Variants in MYCT1 observed in about 807,000 individuals in gnomAD.
MYCT1 encodes MYC target 1.
In MYCT1, 12 loss-of-function variants were observed where a neutral mutation model predicts 15.0. The ratio of observed to expected loss-of-function variants is 0.80; its 90% CI spans 0.51 to 1.29. MYCT1 has a LOEUF of 1.29. MYCT1 is among the 50% of genes most tolerant of loss of function. MYCT1 has a pLI of 0.00. For synonymous variants in MYCT1, 104 were observed against 102.7 expected, an observed-to-expected ratio of 1.01 and a Z score of -0.07; for missense variants, 287 against 279.1, an observed-to-expected ratio of 1.03 and a Z score of -0.20.
In MYCT1 at chr6:152,723,302, GAAA is replaced by G. The variant is rs1354353395; in HGVS notation, c.*1051_*1053del. ...CTTCACCGTTGTCGTTACATTGTTA[GAAA>G]AGCAACAGGAAAAAATCCAATTCAT... On this transcript the variant is annotated 3_prime_UTR_variant, in exon 2 of 2. Transcript: ENST00000367245. The G allele has an allele frequency of 6.6e-6, 1 of 152,100 alleles. No individual in the cohort carries two copies. 9.4% of individuals were successfully genotyped at this position (152,100 alleles called of 1,614,324 possible). A position where few individuals can be genotyped will look rare whatever the true frequency, so the allele number is the denominator to read the frequency against.
At position 152,721,948 on chromosome 6, in the gene MYCT1, A is replaced by G. The variant is rs1471558003; in HGVS notation, c.403A>G (p.Ser135Gly). Residue 135 changes from serine to glycine, a missense_variant, in exon 2 of 2, where the codon AGC (serine) becomes GGC (glycine). Ser to Gly is a moderately conservative substitution (Grantham distance 56). Coordinates refer to ENST00000367245, the MANE Select transcript of MYCT1 (RefSeq NM_025107.3). ...FYRHSGCERR[S>G]NLSLASLTFQ... is the part of the protein sequence containing the mutation. ...CCGCCACAGTGGCTGTGAACGTCGAAGCAACCTCAGCCTGGCCAGTCTCAC... is the reference window on the plus strand; with the variant it reads ...CCGCCACAGTGGCTGTGAACGTCGAGGCAACCTCAGCCTGGCCAGTCTCAC... 1 of 1,614,072 alleles carries G rather than the reference A, an allele frequency of 6.2e-7. No homozygotes were observed. The highest frequency in any genetic ancestry group is 8.5e-7 in the Non-Finnish European group (1 of 1,180,036).
chr6:152,722,165 A>G lies in MYCT1; in HGVS notation c.620A>G (p.Tyr207Cys). The change falls in exon 2 of 2, where the codon TAC (tyrosine) becomes TGC (cysteine). Residue 207 changes from tyrosine (Y) to cysteine (C), a missense_variant. Tyr to Cys is a radical substitution (Grantham distance 194). Coordinates refer to ENST00000367245, the MANE Select transcript of MYCT1 (RefSeq NM_025107.3). ...TCCCACAGTCTGAGCCGTCCTGACT[A>G]CTGGTCCAGTAACAGTCTTCGAGTG... Reference protein sequence around the residue: ...STSHSLSRPDYWSSNSLRVGL... With the variant: ...STSHSLSRPDCWSSNSLRVGL... The G allele has an allele frequency of 6.2e-7, 1 of 1,614,056 alleles. No individual in the cohort carries two copies.
At chr6:152,704,204 G>A (rs1378117960) in intron 1 of MYCT1, among the ~76,000 whole-genome samples, 1 of 151,822 alleles carries the variant, frequency 6.6e-6, no homozygotes, top group Non-Finnish European at 1.5e-5. Flanking sequence ...GCTTTGCCAT[G>A]TTGCCCAGAC....
In MYCT1 at chr6:152,712,608, G is replaced by A. The variant is rs1342524928; in HGVS notation, c.197-9134G>A. Reference sequence around the variant, plus strand: ...CCGTCTTCTGCGTCGCTCACCCTGGGAGCTGTAGACCGGAGCTGTTCCTAT... The same window carrying A: ...CCGTCTTCTGCGTCGCTCACCCTGGAAGCTGTAGACCGGAGCTGTTCCTAT... On this transcript the variant is annotated intron_variant, in intron 1 of 1. Transcript: ENST00000367245. 2.4e-4 allele frequency among the ~76,000 whole-genome samples: 4 copies of A among 16,706 alleles called. 2 individuals carry two copies. Among genetic ancestry groups the A allele is most frequent in the African/African-American group, 4.4e-4 (4 of 9,074 alleles). The allele number at this position is 16,706 out of a possible 152,430, so 11.0% of individuals were successfully genotyped here. A position where few individuals can be genotyped will look rare whatever the true frequency, so the allele number is the denominator to read the frequency against.
the MYCT1 span, among the ~76,000 whole-genome samples, chr6:152,745,647 A>C: frequency 2.0e-5 from 3 of 152,192 alleles, no homozygotes; most frequent in Admixed American, 1.3e-4. Flanking sequence ...GAAATCTGGG[A>C]GGCTTCCTCT....
the MYCT1 span, among the ~76,000 whole-genome samples, chr6:152,740,278 A>C: frequency 6.6e-6 from 1 of 151,972 alleles, no homozygotes; most frequent in South Asian, 2.1e-4. Context: ...TTGAACTCCC[A>C]ACCTCAGGGC....
the MYCT1 span, among the ~76,000 whole-genome samples, chr6:152,742,051 C>A: frequency 6.6e-6 from 1 of 152,170 alleles, no homozygotes; most frequent in African/African-American, 2.4e-5. Flanking sequence ...CTCATTCACT[C>A]GCTCATCTGA....
At chr6:152,702,730 A>G (rs1296421999) in intron 1 of MYCT1, among the ~76,000 whole-genome samples, 1 of 152,202 alleles carries the variant, frequency 6.6e-6, no homozygotes, top group Non-Finnish European at 1.5e-5. Flanking sequence ...AACAAATACT[A>G]TGTCTCAAAT....
chr6:152,720,131 T>C lies in MYCT1; in HGVS notation c.197-1611T>C, dbSNP rs372528934. On this transcript the variant is annotated intron_variant, in intron 1 of 1. Transcript: ENST00000367245. ...ATCTGAATTATCTAGGATGACACCA[T>C]TCATATGTCCAGGTTAGCAGGCTCT... 3.3e-5 allele frequency among the ~76,000 whole-genome samples: 5 copies of C among 151,976 alleles called. No individual in the cohort carries two copies. In the South Asian group the frequency reaches 8.3e-4, roughly 25 times the overall value.
At chr6:152,746,153 A>G in the MYCT1 span, among the ~76,000 whole-genome samples, 1 of 152,214 alleles carries the variant, frequency 6.6e-6, no homozygotes, top group Non-Finnish European at 1.5e-5. Flanking sequence ...TTAAGGTTAA[A>G]AGCCAGAAAT....
rs201435383 is a variant in MYCT1 at position 152,714,308 on chromosome 6, T to TC, written c.197-7434_197-7433insC. ...ATTTCCTCTATTTTTTCTTTTTCTTTTTTTTTTTTTTTTGCCCCTGTTTCA... is the reference window on the plus strand; with the variant it reads ...ATTTCCTCTATTTTTTCTTTTTCTTTCTTTTTTTTTTTTTGCCCCTGTTTCA... On this transcript the variant is annotated intron_variant, in intron 1 of 1. Coordinates refer to ENST00000367245, the MANE Select transcript of MYCT1 (RefSeq NM_025107.3). Among the ~76,000 whole-genome samples, 771 of 114,398 alleles carry TC rather than the reference T, an allele frequency of 6.7e-3. 3 individuals carry two copies. Among genetic ancestry groups the TC allele is most frequent in the Non-Finnish European group, 9.6e-3 (578 of 60,360 alleles). 75.0% of individuals were successfully genotyped at this position (114,398 alleles called of 152,430 possible).
chr6:152,698,798 A>G (rs2099720853), intron 1 of MYCT1, among the ~76,000 whole-genome samples: 4 of 152,316 alleles, frequency 2.6e-5, no homozygotes, highest in East Asian at 1.9e-4. Context: ...AGAACAATAC[A>G]AAAGTATTTT....
chr6:152,724,507 T>C lies in MYCT1; in HGVS notation c.*2254T>C, dbSNP rs1451813097. Reference sequence around the variant, plus strand: ...AAATTAAAGCAAAAACTGGAGACTTTTAATGTATTTCTTTAATTTGAAATG... The same window carrying C: ...AAATTAAAGCAAAAACTGGAGACTTCTAATGTATTTCTTTAATTTGAAATG... On this transcript the variant is annotated 3_prime_UTR_variant, in exon 2 of 2. Coordinates refer to ENST00000367245, the MANE Select transcript of MYCT1 (RefSeq NM_025107.3). 2 of 152,188 alleles carry C rather than the reference T, an allele frequency of 1.3e-5. No homozygotes were observed. The highest frequency in any genetic ancestry group is 1.3e-4 in the Admixed American group (2 of 15,282). The allele number at this position is 152,188 out of a possible 1,614,324, so 9.4% of individuals were successfully genotyped here.
At chr6:152,700,784 G>A (rs2129067846) in intron 1 of MYCT1, among the ~76,000 whole-genome samples, 1 of 152,264 alleles carries the variant, frequency 6.6e-6, no homozygotes, top group South Asian at 2.1e-4. Context: ...TCCTGTAGAA[G>A]ACGTAGTTTT....
rs774075002 is a variant in MYCT1 at position 152,721,866 on chromosome 6, T to C, written c.321T>C (p.Ser107=). 1 of 1,613,438 alleles carries C rather than the reference T, an allele frequency of 6.2e-7. No individual in the cohort carries two copies. Among genetic ancestry groups the C allele is most frequent in the South Asian group, 1.1e-5 (1 of 91,032 alleles). ...RRASAPISQW[S]SSRRSRSSYT... Reference sequence around the variant, plus strand: ...CCAGTGCTCCCATCTCACAGTGGAGTTCAAGCAGGAGATCTAGGTCTTCTT... The same window carrying C: ...CCAGTGCTCCCATCTCACAGTGGAGCTCAAGCAGGAGATCTAGGTCTTCTT... Residue 107 remains serine (S), a synonymous_variant, in exon 2 of 2, where the codon AGT becomes AGC. Coordinates refer to ENST00000367245, the MANE Select transcript of MYCT1 (RefSeq NM_025107.3).
chr6:152,703,374 T>A (rs1352853174), intron 1 of MYCT1, among the ~76,000 whole-genome samples: 1 of 152,222 alleles, frequency 6.6e-6, no homozygotes, highest in African/African-American at 2.4e-5. Flanking sequence ...TCATTAGTTT[T>A]TCAACATTTT....
At chr6:152,700,478 G>A (rs1244488107) in intron 1 of MYCT1, among the ~76,000 whole-genome samples, 4 of 152,092 alleles carry the variant, frequency 2.6e-5, no homozygotes, top group African/African-American at 7.2e-5. Context: ...TAATAATATC[G>A]GGTTATTACC....
At chr6:152,699,311 GA>G (rs138354830) in intron 1 of MYCT1, among the ~76,000 whole-genome samples, 3,849 of 151,642 alleles carry the variant, frequency 0.025, 143 homozygotes, top group African/African-American at 0.085. Context: ...TTCAGCATAA[GA>G]AAAAAAAGAA....
At chr6:152,724,805 T>C (rs1182317136), downstream of MYCT1, among the ~76,000 whole-genome samples, 1 of 151,962 alleles carries the variant, frequency 6.6e-6, no homozygotes, top group East Asian at 1.9e-4. Context: ...CTTTTTCATA[T>C]AAAAATGTAT....
Sources: gnomAD v4.1 joint callset for allele counts (sites outside exome capture counted in the v4.1 genomes callset) on GRCh38, gnomAD v4.1.1 for gene constraint, MANE v1.5 for transcripts, NCBI Gene and HGNC (gene_info 2026-07-23, HGNC 2026-07-21) for gene names.